The following USP20 variants were observed in gnomAD, a reference collection of about 807,000 sequenced individuals.
The protein encoded by USP20 is ubiquitin carboxyl-terminal hydrolase 20.
In USP20, 80 loss-of-function variants were observed where a neutral mutation model predicts 124.2. The ratio of observed to expected loss-of-function variants is 0.64; its 90% CI spans 0.54 to 0.78. The LOEUF (loss-of-function observed/expected upper bound fraction) is 0.78, where lower values mean the gene tolerates loss of function less well. Among genes scored for constraint, USP20 ranks in the 30% least tolerant of loss-of-function variants. USP20 has a pLI of 0.00. For missense variants in USP20, 1,043 were observed against 1,244.4 expected, an observed-to-expected ratio of 0.84 and a Z score of 2.44; for synonymous variants, 481 against 512.3, an observed-to-expected ratio of 0.94 and a Z score of 0.83.
chr9:129,867,973 G>C, intron 10 of USP20, 32 bp from the exon 11 acceptor site: 1 of 1,591,210 alleles, frequency 6.3e-7, no homozygotes, highest in Non-Finnish European at 8.6e-7. Context: ...CTGCCTCCAG[G>C]GGAGCCCTGT....
rs994353215 is a variant in USP20 at position 129,839,370 on chromosome 9, G to A, written c.-129+3871G>A. ...AGGGCCGTGGGGCAGGGGGAAGGGC[G>A]ATGAGGAGACACAGAAGTGTGTGGG... is the stretch of plus-strand genomic sequence containing the variant. On this transcript the variant is annotated intron_variant, in intron 1 of 25. Coordinates refer to ENST00000372429, the MANE Select transcript of USP20 (RefSeq NM_001110303.4). The surrounding 1 kb of genome is among the most constrained non-coding windows in gnomAD (Gnocchi z 4.5). Among the ~76,000 whole-genome samples, 1 of 152,258 alleles carries A rather than the reference G, an allele frequency of 6.6e-6. No homozygotes were observed. Among genetic ancestry groups the A allele is most frequent in the Admixed American group, 6.5e-5 (1 of 15,290 alleles).
At chr9:129,841,288 C>T (rs2032196241) in intron 1 of USP20, among the ~76,000 whole-genome samples, 1 of 152,154 alleles carries the variant, frequency 6.6e-6, no homozygotes, top group South Asian at 2.1e-4. Context: ...TTGGTCTTTC[C>T]TCTGTGTGAG....
intron 1 of USP20, among the ~76,000 whole-genome samples, chr9:129,848,129 T>A (rs1053382453): frequency 1.3e-5 from 2 of 152,126 alleles, no homozygotes. Context: ...AAACTCCATC[T>A]CTACTAAAAA....
chr9:129,869,059 G>C (rs749938049), intron 12 of USP20, 57 bp downstream of exon 12: 6 of 1,532,082 alleles, frequency 3.9e-6, no homozygotes, highest in Non-Finnish European at 5.3e-6. Flanking sequence ...GATTACGCCC[G>C]TAGCTGCCTT....
chr9:129,867,453 T>C (rs1302675475), intron 10 of USP20, among the ~76,000 whole-genome samples: 2 of 151,986 alleles, frequency 1.3e-5, no homozygotes, highest in South Asian at 2.1e-4. Flanking sequence ...TGAGGGTATG[T>C]GGGGGCTGGC....
chr9:129,852,539 G>T lies in USP20; in HGVS notation c.-16-1G>T. 1 of 1,583,392 alleles carries T rather than the reference G, an allele frequency of 6.3e-7. No individual in the cohort carries two copies. The highest frequency in any genetic ancestry group is 8.6e-7 in the Non-Finnish European group (1 of 1,163,516). ...CCGGGATTGCTTGTGTCTTCTCATA[G>T]GTGAGCCCAGGCCAGGATGGGGGAC... On this transcript the variant is annotated splice_acceptor_variant, in intron 2 of 25. Transcript: ENST00000372429. LOFTEE classifies it low-confidence loss of function (5UTR_SPLICE).
rs2033896662 is a variant in USP20, at chr9:129,867,887, AG to A, written c.691-113del. On this transcript the variant is annotated intron_variant, in intron 10 of 25. Coordinates refer to ENST00000372429, the MANE Select transcript of USP20 (RefSeq NM_001110303.4). Reference sequence around the variant, plus strand: ...CTGTGGGGGTGAGCAACTCTTCTGCAGGGGGCGCCCATGAGGTCCTCCTAGA... The same window carrying A: ...CTGTGGGGGTGAGCAACTCTTCTGCAGGGGCGCCCATGAGGTCCTCCTAGA... 7.1e-6 allele frequency: 9 copies of A among 1,272,560 alleles called. No individual in the cohort carries two copies. In the East Asian group the frequency reaches 7.5e-5, roughly 11 times the overall value. The allele number at this position is 1,272,560 out of a possible 1,614,324, so 78.8% of individuals were successfully genotyped here.
chr9:129,872,943 A>G (rs969125459), intron 15 of USP20, among the ~76,000 whole-genome samples: 1 of 152,048 alleles, frequency 6.6e-6, no homozygotes, highest in African/African-American at 2.4e-5. Flanking sequence ...TTTTGGTGGT[A>G]TCTTACAGAT....
chr9:129,849,461 T>TTAAAA (rs1369182642), intron 1 of USP20, among the ~76,000 whole-genome samples: 2 of 152,108 alleles, frequency 1.3e-5, no homozygotes, highest in Non-Finnish European at 2.9e-5. Flanking sequence ...AAGAGTGATT[T>TTAAAA]TAAAATAACG....
chr9:129,861,515 G>T (rs752876273), intron 7 of USP20, 28 bp from the exon 8 acceptor site: 1 of 1,611,842 alleles, frequency 6.2e-7, no homozygotes, highest in South Asian at 1.1e-5. Flanking sequence ...GTGCTCACCT[G>T]CTCCTCCCCG....
At position 129,869,820 on chromosome 9, in the gene USP20, C is replaced by A; in HGVS notation, c.1541C>A (p.Ala514Asp). The change falls in exon 14 of 26, where the codon GCC becomes GAC. Residue 514 changes from alanine (A) to aspartate (D), a missense_variant. Ala to Asp is a moderately radical substitution (Grantham distance 126). Coordinates refer to ENST00000372429, the MANE Select transcript of USP20 (RefSeq NM_001110303.4). Reference protein sequence around the residue: ...GDSYAAQGWLAFIVEYIRRFV... With the variant: ...GDSYAAQGWLDFIVEYIRRFV... ...AGCTATGCCGCCCAGGGCTGGCTGG[C>A]CTTCATTGTGGAGTACATCCGACGG... 6 of 1,613,922 alleles carry A rather than the reference C, an allele frequency of 3.7e-6. No homozygotes were observed. Among genetic ancestry groups the A allele is most frequent in the Non-Finnish European group, 4.2e-6 (5 of 1,180,014 alleles).
chr9:129,843,361 C>A (rs1223823197), intron 1 of USP20, among the ~76,000 whole-genome samples: 1 of 151,490 alleles, frequency 6.6e-6, no homozygotes, highest in Non-Finnish European at 1.5e-5. Context: ...ACCCAGGAGG[C>A]GGAGGTTGCA....
intron 1 of USP20, among the ~76,000 whole-genome samples, chr9:129,842,814 C>T (rs982036888): frequency 6.6e-6 from 1 of 151,934 alleles, no homozygotes; most frequent in South Asian, 2.1e-4. Flanking sequence ...AGGCTGGTTT[C>T]GAACTCCTGA....
intron 15 of USP20, among the ~76,000 whole-genome samples, chr9:129,873,077 C>CTTTTTT (rs1564218943): frequency 2.2e-5 from 1 of 45,626 alleles, no homozygotes. Flanking sequence ...TCTTTTTCTT[C>CTTTTTT]TTCTTTTTTT....
Position 129,879,496 on chromosome 9 carries a change from A to C in USP20, c.2513-77A>C. On this transcript the variant is annotated intron_variant, in intron 23 of 25. Coordinates refer to ENST00000372429, the MANE Select transcript of USP20 (RefSeq NM_001110303.4). The surrounding 1 kb of genome is among the most constrained non-coding windows in gnomAD (Gnocchi z 4.2). The stretch of plus-strand genomic sequence containing the variant: ...TGACCCCCAGGCCTGGGGCGGCCCC[A>C]CTTGGGATGGCTCTGCTGCTGTGGA... The C allele has an allele frequency of 1.3e-6, 2 of 1,530,260 alleles. No individual in the cohort carries two copies. Among genetic ancestry groups the C allele is most frequent in the Admixed American group, 1.7e-5 (1 of 57,846 alleles). 94.8% of individuals were successfully genotyped at this position (1,530,260 alleles called of 1,614,324 possible). A position where few individuals can be genotyped will look rare whatever the true frequency, so the allele number is the denominator to read the frequency against.
At chr9:129,878,494 G>T in intron 23 of USP20, 54 bp downstream of exon 23, 1 of 1,471,612 alleles carries the variant, frequency 6.8e-7, no homozygotes, top group Admixed American at 2.1e-5. Context: ...CCTGGGAGAT[G>T]GGATGCTGGC....
intron 1 of USP20, among the ~76,000 whole-genome samples, chr9:129,848,567 T>C (rs4644354): frequency 0.14 from 21,660 of 151,484 alleles, 2,036 homozygotes; most frequent in African/African-American, 0.25. Context: ...GCAGGAGAAT[T>C]TCATGAACCC....
At chr9:129,870,908 T>C (rs2034089457) in intron 15 of USP20, among the ~76,000 whole-genome samples, 1 of 152,266 alleles carries the variant, frequency 6.6e-6, no homozygotes, top group African/African-American at 2.4e-5. Context: ...TGCCCATTCC[T>C]GTTCTTGTTC....
At chr9:129,850,342 GC>G (rs2032840339) in intron 2 of USP20, among the ~76,000 whole-genome samples, 1 of 152,162 alleles carries the variant, frequency 6.6e-6, no homozygotes, top group African/African-American at 2.4e-5. Flanking sequence ...TTGAGGTTCA[GC>G]TCTAGCGCCA....
Sources: gnomAD v4.1 joint callset for allele counts (sites outside exome capture counted in the v4.1 genomes callset) on GRCh38, gnomAD v4.1.1 for gene constraint, Gnocchi (gnomAD v3.1) non-coding constraint, MANE v1.5 for transcripts, NCBI Gene and HGNC (gene_info 2026-07-23, HGNC 2026-07-21) for gene names.